Variants in C1QTNF3 observed in about 807,000 individuals in gnomAD.
C1QTNF3 encodes the protein C1q and TNF related 3.
A neutral mutation model predicts 32.6 loss-of-function variants in C1QTNF3; 26 were observed. The observed-to-expected ratio is 0.80, with a 90% CI of 0.58 to 1.11. The LOEUF (loss-of-function observed/expected upper bound fraction) is 1.11. Ranked by LOEUF, C1QTNF3 falls within the 50% of genes least tolerant of loss-of-function variation. C1QTNF3 has a pLI of 0.00. For synonymous variants in C1QTNF3, 155 were observed against 146.0 expected, an observed-to-expected ratio of 1.06 and a Z score of -0.44; for missense variants, 362 against 398.2, an observed-to-expected ratio of 0.91 and a Z score of 0.77.
the C1QTNF3 span, among the ~76,000 whole-genome samples, chr5:34,154,992 T>C: frequency 1.2e-4 from 18 of 152,322 alleles, no homozygotes; most frequent in African/African-American, 3.4e-4. Flanking sequence ...CACATTGCTA[T>C]GGTCACATAC....
the C1QTNF3 span, among the ~76,000 whole-genome samples, chr5:34,050,125 C>T: frequency 6.6e-6 from 1 of 152,162 alleles, no homozygotes; most frequent in Non-Finnish European, 1.5e-5. Context: ...CTGAAATATT[C>T]CAGAGAAGAT....
chr5:34,060,798 T>C, the C1QTNF3 span, among the ~76,000 whole-genome samples: 4 of 152,260 alleles, frequency 2.6e-5, no homozygotes, highest in African/African-American at 9.6e-5. Flanking sequence ...TTCTACAACA[T>C]GTGGGAATCC....
chr5:34,236,880 A>G, the C1QTNF3 span, among the ~76,000 whole-genome samples: 1 of 152,018 alleles, frequency 6.6e-6, no homozygotes, highest in Non-Finnish European at 1.5e-5. Context: ...CCAGCCAGTT[A>G]ATTTTTCTAT....
chr5:34,045,675 C>A (rs144225124), upstream of C1QTNF3, among the ~76,000 whole-genome samples: 394 of 152,128 alleles, frequency 2.6e-3, no homozygotes, highest in African/African-American at 8.9e-3. Flanking sequence ...AGAGTGAGTT[C>A]TCCTGCCTTG....
At chr5:34,226,148 T>C in the C1QTNF3 span, among the ~76,000 whole-genome samples, 2 of 151,982 alleles carry the variant, frequency 1.3e-5, no homozygotes, top group African/African-American at 4.8e-5. Flanking sequence ...TGTTAAAATA[T>C]CTTCTATGTA....
chr5:34,137,767 T>C, the C1QTNF3 span, among the ~76,000 whole-genome samples: 1 of 152,188 alleles, frequency 6.6e-6, no homozygotes, highest in Non-Finnish European at 1.5e-5. Context: ...AACATAGTAC[T>C]GTTCTGCTGG....
At chr5:34,196,903 G>T in the C1QTNF3 span, among the ~76,000 whole-genome samples, 5 of 152,412 alleles carry the variant, frequency 3.3e-5, no homozygotes, top group Admixed American at 3.3e-4. Flanking sequence ...CTAATGATCT[G>T]CCCGCCTCGG....
At chr5:34,074,806 G>A in the C1QTNF3 span, among the ~76,000 whole-genome samples, 2 of 151,030 alleles carry the variant, frequency 1.3e-5, no homozygotes, top group Non-Finnish European at 1.5e-5. Flanking sequence ...TTTCTAATCC[G>A]TTCGAGATAT....
At chr5:34,155,957 C>G in the C1QTNF3 span, among the ~76,000 whole-genome samples, 13 of 152,184 alleles carry the variant, frequency 8.5e-5, no homozygotes, top group Non-Finnish European at 1.9e-4. Context: ...TTGCAATAGA[C>G]TTTTAATTTC....
At chr5:34,096,194 TG>T in the C1QTNF3 span, among the ~76,000 whole-genome samples, 3 of 151,464 alleles carry the variant, frequency 2.0e-5, no homozygotes, top group South Asian at 6.2e-4. Context: ...AGGCTACAGA[TG>T]CAAGAAATTT....
At chr5:34,033,603 AG>A in intron 2 of C1QTNF3, 145 bp from the exon 3 acceptor site, 1 of 962,714 alleles carries the variant, frequency 1.0e-6, no homozygotes, top group Non-Finnish European at 1.6e-6. Flanking sequence ...TCATCTAAAT[AG>A]GGCAATAGGC....
chr5:34,067,650 C>A, the C1QTNF3 span, among the ~76,000 whole-genome samples: 1 of 152,306 alleles, frequency 6.6e-6, no homozygotes, highest in East Asian at 1.9e-4. Context: ...GTCCCTCCCA[C>A]AACATGTGAG....
chr5:34,212,829 T>C, the C1QTNF3 span, among the ~76,000 whole-genome samples: 1 of 149,926 alleles, frequency 6.7e-6, no homozygotes, highest in Non-Finnish European at 1.5e-5. Flanking sequence ...AGTTCAACCA[T>C]TGTGGAAGTC....
At chr5:34,045,071 G>A (rs554859737), upstream of C1QTNF3, among the ~76,000 whole-genome samples, 8 of 152,298 alleles carry the variant, frequency 5.3e-5, no homozygotes, top group African/African-American at 1.9e-4. Context: ...GGGAGGCCCA[G>A]AGAAAATGTC....
chr5:34,022,658 A>G (rs1754360457), intron 5 of C1QTNF3, among the ~76,000 whole-genome samples: 1 of 152,190 alleles, frequency 6.6e-6, no homozygotes, highest in Non-Finnish European at 1.5e-5. Flanking sequence ...CTTCTGTTCC[A>G]TTGGCACTGC....
the C1QTNF3 span, among the ~76,000 whole-genome samples, chr5:34,207,957 T>G: frequency 6.6e-6 from 1 of 151,918 alleles, no homozygotes; most frequent in East Asian, 1.9e-4. Flanking sequence ...CCGGCTAATT[T>G]TTTTTGTATT....
At chr5:34,055,652 A>G in the C1QTNF3 span, among the ~76,000 whole-genome samples, 1 of 152,382 alleles carries the variant, frequency 6.6e-6, no homozygotes, top group South Asian at 2.1e-4. Context: ...TTTTCAATTC[A>G]TAACAGGAAG....
the C1QTNF3 span, among the ~76,000 whole-genome samples, chr5:34,163,019 G>C: frequency 6.6e-6 from 1 of 152,100 alleles, no homozygotes; most frequent in Non-Finnish European, 1.5e-5. Context: ...TCAATGTACA[G>C]AATGTTCCTC....
intron 5 of C1QTNF3, among the ~76,000 whole-genome samples, chr5:34,023,145 G>A (rs928729044): frequency 2.0e-5 from 3 of 152,118 alleles, no homozygotes; most frequent in African/African-American, 4.8e-5. Context: ...GTGAGCCACC[G>A]CGCCTGGCTC....
Sources: allele counts gnomAD v4.1 joint callset (sites outside exome capture counted in the v4.1 genomes callset), GRCh38; gene constraint gnomAD v4.1.1; transcripts MANE v1.5; gene names NCBI Gene and HGNC (gene_info 2026-07-23, HGNC 2026-07-21).